NCAPD3: variants seen among roughly 807,000 people sequenced by gnomAD.
The protein encoded by NCAPD3 is condensin-2 complex subunit D3.
Under a neutral mutation model 182.9 loss-of-function variants are expected in NCAPD3, and 105 were observed. The ratio of observed to expected loss-of-function variants is 0.57; its 90% CI spans 0.49 to 0.68. NCAPD3 has a LOEUF of 0.68. NCAPD3 is among the 30% of genes least tolerant of loss of function. NCAPD3 has a pLI of 0.00. For missense variants in NCAPD3, 1,944 were observed against 1,837.0 expected (o/e 1.06, Z -1.07); for synonymous variants, 815 against 679.9 (o/e 1.20, Z -3.09).
chr11:134,206,529 A>C, intron 8 of NCAPD3, 70 bp downstream of exon 8: 1 of 1,570,678 alleles, frequency 6.4e-7, no homozygotes, highest in Non-Finnish European at 8.6e-7. Flanking sequence ...ATGTATCAGA[A>C]ATCTTAGTGC....
rs771924296 is a variant in NCAPD3, at chr11:134,185,373, G to A, written c.2199C>T (p.Asp733=). The A allele has an allele frequency of 3.7e-6, 6 of 1,613,294 alleles. No individual in the cohort carries two copies. In the South Asian group the frequency reaches 6.6e-5, roughly 18 times the overall value. Residue 733 remains aspartate, a synonymous_variant, in exon 17 of 35, where the codon GAC becomes GAT. Coordinates refer to ENST00000534548, the MANE Select transcript of NCAPD3 (RefSeq NM_015261.3). ...CCCAAGATTGTATTATTCTGCTGTA[G>A]TCCAGCCTGGGTGAGGAGCCAGCAA... The part of the protein sequence containing the change: ...SKIAGSSPRL[D]YSRIIQSWEK...
intron 27 of NCAPD3, among the ~76,000 whole-genome samples, chr11:134,167,157 G>C (rs1210961073): frequency 7.3e-6 from 1 of 137,304 alleles, no homozygotes; most frequent in Non-Finnish European, 1.6e-5. Flanking sequence ...ACACTCACTA[G>C]TGAGGTGAGC....
intron 13 of NCAPD3, among the ~76,000 whole-genome samples, chr11:134,197,959 A>G (rs1944671793): frequency 6.6e-6 from 1 of 152,196 alleles, no homozygotes. Flanking sequence ...CTTTCCCCCT[A>G]AGTAAAGAAA....
At chr11:134,154,384 CCT>C (rs1372505217) in intron 32 of NCAPD3, among the ~76,000 whole-genome samples, 2 of 152,106 alleles carry the variant, frequency 1.3e-5, no homozygotes, top group African/African-American at 4.8e-5. Flanking sequence ...TACAGACTCA[CCT>C]GTTAGGCTCA....
chr11:134,156,027 AAACG>A (rs1943409835), intron 32 of NCAPD3, among the ~76,000 whole-genome samples: 1 of 152,246 alleles, frequency 6.6e-6, no homozygotes, highest in Non-Finnish European at 1.5e-5. Flanking sequence ...AGCAGTGACT[AAACG>A]AACGGCAGGA....
chr11:134,174,762 T>C (rs1317847698), intron 24 of NCAPD3, among the ~76,000 whole-genome samples: 3 of 152,308 alleles, frequency 2.0e-5, no homozygotes, highest in Non-Finnish European at 2.9e-5. Flanking sequence ...AAATGATAAA[T>C]GTTTGAGGTG....
At chr11:134,221,534 C>A (rs925594895) in intron 1 of NCAPD3, among the ~76,000 whole-genome samples, 21 of 152,224 alleles carry the variant, frequency 1.4e-4, no homozygotes, top group African/African-American at 4.8e-4. Flanking sequence ...ATCCCTCCAT[C>A]CCCCCTTCCC....
At chr11:134,200,677 A>C (rs1342570194) in intron 13 of NCAPD3, among the ~76,000 whole-genome samples, 2 of 152,174 alleles carry the variant, frequency 1.3e-5, no homozygotes, top group African/African-American at 4.8e-5. Flanking sequence ...GGTTCCTCAA[A>C]ATGTTGAATA....
chr11:134,219,018 C>T (rs949001486), intron 2 of NCAPD3, among the ~76,000 whole-genome samples: 1 of 152,228 alleles, frequency 6.6e-6, no homozygotes, highest in African/African-American at 2.4e-5. Context: ...CTCATACACA[C>T]TCTACCAAAC....
chr11:134,163,700 CAAA>C (rs57961196), intron 27 of NCAPD3, among the ~76,000 whole-genome samples: 73 of 66,152 alleles, frequency 1.1e-3, no homozygotes, highest in African/African-American at 3.5e-3. Context: ...TACTGTGTCT[CAAA>C]AAAAAAAAAA....
rs552303867 is a variant in NCAPD3 at position 134,217,890 on chromosome 11, G to A, written c.220-792C>T. On this transcript the variant is annotated intron_variant, in intron 2 of 34. Coordinates refer to ENST00000534548, the MANE Select transcript of NCAPD3 (RefSeq NM_015261.3). ...AGGGCAGGAGGACTGCTTGAGCCCA[G>A]GAGTTTGAGAACAGCCAGGGCAACA... Among the ~76,000 whole-genome samples, 13 of 152,238 alleles carry A rather than the reference G, an allele frequency of 8.5e-5. No individual in the cohort carries two copies. In the South Asian group the frequency reaches 2.7e-3, roughly 32 times the overall value.
intron 27 of NCAPD3, among the ~76,000 whole-genome samples, chr11:134,163,563 G>T (rs1014193259): frequency 6.6e-6 from 1 of 151,958 alleles, no homozygotes; most frequent in Non-Finnish European, 1.5e-5. Context: ...AGCCGGCCGT[G>T]GTGGCTGGTG....
chr11:134,194,128 T>TGTTTCAAAATACTC lies in NCAPD3; in HGVS notation c.1698_1711dup (p.His571ArgfsTer4). The stretch of plus-strand genomic sequence containing the variant: ...TTCCTTCATGCCTGAGACATCACAG[T>TGTTTCAAAATACTC]GTTTCAAAATACTCACTAATACCTA... On this transcript the variant is annotated stop_gained and frameshift_variant, in exon 15 of 35. Transcript: ENST00000534548. LOFTEE classifies it high-confidence loss of function. The TGTTTCAAAATACTC allele has an allele frequency of 6.2e-7, 1 of 1,614,132 alleles. No individual in the cohort carries two copies. The highest frequency in any genetic ancestry group is 8.5e-7 in the Non-Finnish European group (1 of 1,179,992).
intron 19 of NCAPD3, among the ~76,000 whole-genome samples, chr11:134,181,649 C>G (rs1944299390): frequency 1.3e-5 from 2 of 152,208 alleles, no homozygotes; most frequent in South Asian, 4.1e-4. Flanking sequence ...TGTTCCGTGT[C>G]TCTCACTGAT....
rs751806551 is a variant in NCAPD3, at chr11:134,194,018, T to C, written c.1822A>G (p.Met608Val). The change falls in exon 15 of 35, where the codon ATG (methionine) becomes GTG (valine). Residue 608 changes from methionine to valine, a missense_variant and splice_region_variant. Transcript: ENST00000534548. ...QALQSLTELLMAQPRCVQIQK... is the reference protein window; with the variant it reads ...QALQSLTELLVAQPRCVQIQK... ...ATATATAATGTCCTGCCTCTCACCATAAGGAGTTCAGTAAGAGACTGGAGG... is the reference window on the plus strand; with the variant it reads ...ATATATAATGTCCTGCCTCTCACCACAAGGAGTTCAGTAAGAGACTGGAGG... The C allele has an allele frequency of 7.4e-6, 12 of 1,613,378 alleles. No individual in the cohort carries two copies. In the South Asian group the frequency reaches 1.1e-4, roughly 15 times the overall value.
chr11:134,167,074 GCT>G (rs1943848244), intron 27 of NCAPD3, among the ~76,000 whole-genome samples: 1 of 100,460 alleles, frequency 1.0e-5, no homozygotes, highest in African/African-American at 5.2e-5. Context: ...GCTTGGGGGA[GCT>G]GCACACTCAC....
chr11:134,179,991 G>A (rs188260229), intron 20 of NCAPD3, among the ~76,000 whole-genome samples: 114 of 151,964 alleles, frequency 7.5e-4, no homozygotes, highest in African/African-American at 2.6e-3. Context: ...TTTGACTGAA[G>A]AGTAGATTTT....
At chr11:134,163,442 G>T (rs965817044) in intron 27 of NCAPD3, among the ~76,000 whole-genome samples, 3 of 152,110 alleles carry the variant, frequency 2.0e-5, no homozygotes, top group Admixed American at 6.5e-5. Flanking sequence ...GCTCATGCCT[G>T]TAATCCCAGC....
Position 134,192,870 on chromosome 11 carries a change from G to C in NCAPD3, c.1864C>G (p.Arg622Gly). 6.2e-7 allele frequency: 1 copy of C among 1,613,402 alleles called. No individual in the cohort carries two copies. The highest frequency in any genetic ancestry group is 8.5e-7 in the Non-Finnish European group (1 of 1,179,488). ...TCCATCACCACCGGGACCACCCCCC[G>C]CAACCAGGCTTTCTGGATCTGCACG... ...RCVQIQKAWL[R>G]GVVPVVMDCE... is the part of the protein sequence containing the mutation. Residue 622 changes from arginine to glycine, a missense_variant, in exon 16 of 35, where the codon CGG (arginine) becomes GGG (glycine). Arg to Gly is a moderately radical substitution (Grantham distance 125, BLOSUM62 -2). Coordinates refer to ENST00000534548, the MANE Select transcript of NCAPD3 (RefSeq NM_015261.3).
Sources: allele counts gnomAD v4.1 joint callset (sites outside exome capture counted in the v4.1 genomes callset), GRCh38; gene constraint gnomAD v4.1.1; transcripts MANE v1.5; gene names NCBI Gene and HGNC (gene_info 2026-07-23, HGNC 2026-07-21).